Variants in ASPRV1 observed in about 807,000 individuals in gnomAD.
ASPRV1 encodes aspartic peptidase retroviral like 1, also known as retroviral-like aspartic protease 1.
Under a neutral mutation model 11.0 loss-of-function variants are expected in ASPRV1, and 7 were observed. That is an observed-to-expected ratio of 0.64 (90% confidence interval 0.36 to 1.20). The LOEUF is 1.20. Ranked by LOEUF, ASPRV1 falls within the 50% of genes most tolerant of loss-of-function variation. The probability of loss-of-function intolerance (pLI) is 0.02; values close to 1 mark genes in which losing one functional copy is unlikely to be tolerated. For synonymous variants in ASPRV1, 136 were observed against 138.4 expected, an observed-to-expected ratio of 0.98 and a Z score of 0.12; for missense variants, 299 against 320.0, an observed-to-expected ratio of 0.93 and a Z score of 0.50.
the ASPRV1 span, among the ~76,000 whole-genome samples, chr2:69,995,794 C>T: frequency 3.3e-5 from 5 of 152,120 alleles, no homozygotes; most frequent in South Asian, 8.3e-4. Context: ...TACTAGACAC[C>T]GCCTTCTCAT....
At chr2:70,080,324 T>TC in the ASPRV1 span, among the ~76,000 whole-genome samples, 3 of 152,204 alleles carry the variant, frequency 2.0e-5, no homozygotes, top group South Asian at 6.2e-4. Flanking sequence ...CCTCCCAGGT[T>TC]CAAGCAATTC....
At chr2:70,023,372 G>C in the ASPRV1 span, among the ~76,000 whole-genome samples, 1 of 152,204 alleles carries the variant, frequency 6.6e-6, no homozygotes, top group East Asian at 1.9e-4. Context: ...CTGATTACTA[G>C]TAAATAAAAG....
At chr2:69,976,990 G>A in the ASPRV1 span, among the ~76,000 whole-genome samples, 14 of 152,132 alleles carry the variant, frequency 9.2e-5, no homozygotes, top group Admixed American at 2.0e-4. Flanking sequence ...TCAGGAGTTC[G>A]AGACCAGCCT....
At chr2:70,065,383 A>G in the ASPRV1 span, among the ~76,000 whole-genome samples, 184 of 119,698 alleles carry the variant, frequency 1.5e-3, no homozygotes, top group South Asian at 0.017. Context: ...AGTGCAAGAC[A>G]CCATCTCAAA....
chr2:70,086,462 C>G, the ASPRV1 span: 2 of 152,268 alleles, frequency 1.3e-5, no homozygotes, highest in Non-Finnish European at 2.9e-5. Context: ...GACACTTCCT[C>G]AGCGGGAAGA....
At chr2:70,016,508 T>C in the ASPRV1 span, among the ~76,000 whole-genome samples, 1 of 152,064 alleles carries the variant, frequency 6.6e-6, no homozygotes, top group East Asian at 1.9e-4. Flanking sequence ...GCCACTGCAC[T>C]CCAGCCTGGG....
At chr2:69,952,753 A>T in the ASPRV1 span, among the ~76,000 whole-genome samples, 1 of 151,596 alleles carries the variant, frequency 6.6e-6, no homozygotes, top group Non-Finnish European at 1.5e-5. Flanking sequence ...TACTCACTAG[A>T]TGCCAATAGT....
chr2:70,020,146 T>C, the ASPRV1 span, among the ~76,000 whole-genome samples: 1 of 152,148 alleles, frequency 6.6e-6, no homozygotes, highest in Non-Finnish European at 1.5e-5. Context: ...TTACTGGGAA[T>C]GCAAAATGGT....
chr2:70,082,258 G>C, the ASPRV1 span, among the ~76,000 whole-genome samples: 3 of 151,828 alleles, frequency 2.0e-5, no homozygotes, highest in Non-Finnish European at 2.9e-5. Context: ...CACAGTACTT[G>C]GCCAGTACGG....
the ASPRV1 span, among the ~76,000 whole-genome samples, chr2:69,952,969 C>T: frequency 2.0e-5 from 3 of 152,234 alleles, no homozygotes; most frequent in Non-Finnish European, 2.9e-5. Flanking sequence ...CAGCACAGAA[C>T]CCCCAGGGCA....
the ASPRV1 span, chr2:70,019,114 GACATTTCCCAAA>G: frequency 6.6e-6 from 1 of 152,166 alleles, no homozygotes; most frequent in Non-Finnish European, 1.5e-5. Flanking sequence ...GACTTGAACA[GACATTTCCCAAA>G]ATACGACATA....
chr2:69,971,730 T>A, the ASPRV1 span, among the ~76,000 whole-genome samples: 1 of 152,178 alleles, frequency 6.6e-6, no homozygotes, highest in African/African-American at 2.4e-5. Context: ...GCCCTTGACA[T>A]GTAGCCAAGC....
chr2:70,003,163 C>T, the ASPRV1 span: 1 of 152,216 alleles, frequency 6.6e-6, no homozygotes, highest in Non-Finnish European at 1.5e-5. Flanking sequence ...GTGTCTGGTG[C>T]TCACAAGGTT....
chr2:70,076,217 A>T, the ASPRV1 span, among the ~76,000 whole-genome samples: 1 of 152,202 alleles, frequency 6.6e-6, no homozygotes, highest in African/African-American at 2.4e-5. Context: ...GACAAGATGC[A>T]GTTTTTGCCC....
the ASPRV1 span, among the ~76,000 whole-genome samples, chr2:70,067,816 G>C: frequency 6.6e-6 from 1 of 152,194 alleles, no homozygotes; most frequent in East Asian, 1.9e-4. Flanking sequence ...GGGGAGACAG[G>C]AATAGCCAAA....
At chr2:70,006,202 G>C in the ASPRV1 span, among the ~76,000 whole-genome samples, 2 of 152,174 alleles carry the variant, frequency 1.3e-5, no homozygotes, top group Admixed American at 1.3e-4. Context: ...CTGGGGCTGG[G>C]GGGTAAAACT....
chr2:70,063,118 T>G, the ASPRV1 span, among the ~76,000 whole-genome samples: 1 of 152,092 alleles, frequency 6.6e-6, no homozygotes, highest in African/African-American at 2.4e-5. Flanking sequence ...AAGTACTCTA[T>G]CTTCATGAAT....
chr2:69,968,011 GGC>G, the ASPRV1 span, among the ~76,000 whole-genome samples: 2 of 152,136 alleles, frequency 1.3e-5, no homozygotes, highest in Non-Finnish European at 2.9e-5. Context: ...GAACCCAGAA[GGC>G]GAAGGTTGCA....
chr2:69,981,009 C>G, the ASPRV1 span, among the ~76,000 whole-genome samples: 3 of 152,214 alleles, frequency 2.0e-5, no homozygotes, highest in East Asian at 5.8e-4. Context: ...CTCCTGACTT[C>G]AGATGATCTG....
Sources: gnomAD v4.1 joint callset for allele counts (sites outside exome capture counted in the v4.1 genomes callset) on GRCh38, gnomAD v4.1.1 for gene constraint, MANE v1.5 for transcripts, NCBI Gene and HGNC (gene_info 2026-07-23, HGNC 2026-07-21) for gene names.